Variants in TCP10L observed in about 807,000 individuals in gnomAD.
TCP10L encodes t-complex 10 like, also known as T-complex protein 10A homolog 1.
TCP10L carries 11 observed loss-of-function variants against 19.2 expected under a neutral mutation model. The observed-to-expected ratio is 0.57, with a 90% CI of 0.36 to 0.95. The LOEUF is 0.95. Ranked by LOEUF, TCP10L falls within the 40% of genes least tolerant of loss-of-function variation. TCP10L has a pLI of 0.01. For synonymous variants in TCP10L, 96 were observed against 97.2 expected (o/e 0.99, Z 0.07); for missense variants, 247 against 263.9 (o/e 0.94, Z 0.44).
chr21:32,578,831 C>T lies in TCP10L; in HGVS notation c.361G>A (p.Ala121Thr). 6.2e-7 allele frequency: 1 copy of T among 1,613,904 alleles called. No individual in the cohort carries two copies. ...PHAGQESHTLALEPAFGKISP... is the reference protein window; with the variant it reads ...PHAGQESHTLTLEPAFGKISP... ...ATTTTTCCAAAAGCAGGTTCCAATG[C>T]CTAAAAGACAAAATGCAGGGAAATT... is the stretch of plus-strand genomic sequence containing the variant. Residue 121 changes from alanine (A) to threonine (T), a missense_variant and splice_region_variant, in exon 4 of 5, where the codon GCA becomes ACA. Physicochemically the swap from Ala to Thr is moderately conservative, Grantham distance 58 (BLOSUM62 0). Coordinates refer to ENST00000300258, the MANE Select transcript of TCP10L (RefSeq NM_144659.7). The surrounding 1 kb of genome is among the most constrained non-coding windows in gnomAD (Gnocchi z 4.2).
intron 3 of TCP10L, among the ~76,000 whole-genome samples, chr21:32,581,136 C>T (rs1033446708): frequency 1.3e-5 from 2 of 152,302 alleles, no homozygotes; most frequent in East Asian, 1.9e-4. Flanking sequence ...AAGAACACAC[C>T]GGCAGAAGAG....
At position 32,573,808 on chromosome 21, in the gene TCP10L, C is replaced by T. The variant is rs1458941208; in HGVS notation, c.*2966G>A. Among the ~76,000 whole-genome samples, 5 of 152,058 alleles carry T rather than the reference C, an allele frequency of 3.3e-5. No homozygotes were observed. The highest frequency in any genetic ancestry group is 1.3e-4 in the Admixed American group (2 of 15,268). On this transcript the variant is annotated 3_prime_UTR_variant, in exon 5 of 5. Transcript: ENST00000300258. ...TCAGGGTGGCCACAGTGACAACCGC[C>T]ACATTCAACACCTGATACAAATAAC... is the stretch of plus-strand genomic sequence containing the variant.
At chr21:32,581,285 C>A (rs1281838785) in intron 3 of TCP10L, among the ~76,000 whole-genome samples, 1 of 152,218 alleles carries the variant, frequency 6.6e-6, no homozygotes, top group African/African-American at 2.4e-5. Flanking sequence ...ACTCCATCTC[C>A]CTTCTGGCTC....
chr21:32,579,120 A>G (rs1346543599), intron 3 of TCP10L, among the ~76,000 whole-genome samples: 1 of 152,244 alleles, frequency 6.6e-6, no homozygotes, highest in Non-Finnish European at 1.5e-5. Context: ...TCCCCAACAT[A>G]TCTTCCTTTA....
rs1482769015 is a variant in TCP10L at position 32,584,277 on chromosome 21, C to T, written c.28G>A (p.Asp10Asn). The change falls in exon 2 of 5, where the codon GAC becomes AAC. Residue 10 changes from aspartate (D) to asparagine (N), a missense_variant. Physicochemically the swap from Asp to Asn is conservative, Grantham distance 23. Coordinates refer to ENST00000300258, the MANE Select transcript of TCP10L (RefSeq NM_144659.7). Reference protein sequence around the residue: MLAGQLEARDPKEGTHPEDP... With the variant: MLAGQLEARNPKEGTHPEDP... Reference sequence around the variant, plus strand: ...TCTGGGTGGGTGCCCTCTTTGGGGTCCCTGGCCTCGAGTTGACCTGCCAGC... The same window carrying T: ...TCTGGGTGGGTGCCCTCTTTGGGGTTCCTGGCCTCGAGTTGACCTGCCAGC... 1.2e-6 allele frequency: 2 copies of T among 1,613,826 alleles called. No individual in the cohort carries two copies. The highest frequency in any genetic ancestry group is 2.7e-5 in the African/African-American group (2 of 74,912).
intron 2 of TCP10L, among the ~76,000 whole-genome samples, chr21:32,583,066 T>C (rs1194565257): frequency 7.4e-6 from 1 of 134,304 alleles, no homozygotes; most frequent in African/African-American, 2.9e-5. Context: ...ACAGTGTCTT[T>C]CTCTGTCACC....
intron 1 of TCP10L, among the ~76,000 whole-genome samples, chr21:32,584,711 G>C (rs2038539460): frequency 1.3e-5 from 2 of 152,010 alleles, no homozygotes; most frequent in African/African-American, 2.4e-5. Context: ...GGTATGAGCA[G>C]GTGTGAGTGG....
intron 4 of TCP10L, chr21:32,577,567 A>G (rs2038449439): frequency 1.3e-5 from 2 of 152,302 alleles, no homozygotes; most frequent in Non-Finnish European, 2.9e-5. Context: ...ACATCAACCC[A>G]GTATCAGTTG....
rs1478049973 is a variant in TCP10L, at chr21:32,576,800, A to C, written c.622T>G (p.Cys208Gly). ...CAGACACCCCCCCGTCTCTCTGCAC[A>C]GGGAGTTGGCCTTCCAGTAGGTGTT... ...RATPTGRPTP[C>G]AERRGGV The change falls in exon 5 of 5, where the codon TGT becomes GGT. Residue 208 changes from cysteine to glycine, a missense_variant. Coordinates refer to ENST00000300258, the MANE Select transcript of TCP10L (RefSeq NM_144659.7). The C allele has an allele frequency of 6.2e-7, 1 of 1,613,856 alleles. No homozygotes were observed. Among genetic ancestry groups the C allele is most frequent in the Non-Finnish European group, 8.5e-7 (1 of 1,180,002 alleles).
At chr21:32,585,118 A>C (rs1436615870) in intron 1 of TCP10L, among the ~76,000 whole-genome samples, 1 of 152,210 alleles carries the variant, frequency 6.6e-6, no homozygotes, top group Non-Finnish European at 1.5e-5. Context: ...CTGTGTGAGA[A>C]GGAACAGTTT....
intron 3 of TCP10L, among the ~76,000 whole-genome samples, chr21:32,581,231 C>T (rs889210348): frequency 5.3e-5 from 8 of 152,174 alleles, no homozygotes; most frequent in Admixed American, 6.5e-5. Flanking sequence ...GGGGAGAGCC[C>T]GGTCACTGGG....
In TCP10L at chr21:32,575,970, A is replaced by G; in HGVS notation, c.*804T>C. Reference sequence around the variant, plus strand: ...AGGGAAGTGACCGCTAGGATTCGGAATCTCCAGTCACGGCCCCTGGAGACC... The same window carrying G: ...AGGGAAGTGACCGCTAGGATTCGGAGTCTCCAGTCACGGCCCCTGGAGACC... On this transcript the variant is annotated 3_prime_UTR_variant, in exon 5 of 5. Coordinates refer to ENST00000300258, the MANE Select transcript of TCP10L (RefSeq NM_144659.7). 1.2e-5 allele frequency: 3 copies of G among 247,152 alleles called. No individual in the cohort carries two copies. In the South Asian group the frequency reaches 3.1e-4, roughly 26 times the overall value. The allele number at this position is 247,152 out of a possible 1,614,324, so 15.3% of individuals were successfully genotyped here.
intron 3 of TCP10L, among the ~76,000 whole-genome samples, chr21:32,580,475 C>CGTGT (rs1469541940): frequency 2.6e-5 from 2 of 77,844 alleles, no homozygotes; most frequent in African/African-American, 1.4e-4. Context: ...TCGGTGGGTG[C>CGTGT]CTGTGTGTGT....
Position 32,578,978 on chromosome 21 carries a change from TTGA to T in TCP10L, c.361-150_361-148del. The T allele has an allele frequency of 1.5e-6, 2 of 1,356,428 alleles. No individual in the cohort carries two copies. Among genetic ancestry groups the T allele is most frequent in the Non-Finnish European group, 2.0e-6 (2 of 1,007,596 alleles). The allele number at this position is 1,356,428 out of a possible 1,614,324, so 84.0% of individuals were successfully genotyped here. A position where few individuals can be genotyped will look rare whatever the true frequency, so the allele number is the denominator to read the frequency against. On this transcript the variant is annotated intron_variant, in intron 3 of 4. Coordinates refer to ENST00000300258, the MANE Select transcript of TCP10L (RefSeq NM_144659.7). This position sits in a 1 kb window ranked among gnomAD's most constrained non-coding sequence, Gnocchi z 4.2. ...TGGACTGGGTTTTCCCCCTAATATG[TTGA>T]TAAGAACAGAAACCCTCACCAAGCG...
rs1568981085 is a variant in TCP10L at position 32,582,082 on chromosome 21, T to G, written c.360+118A>C. On this transcript the variant is annotated intron_variant, in intron 3 of 4. Coordinates refer to ENST00000300258, the MANE Select transcript of TCP10L (RefSeq NM_144659.7). The surrounding 1 kb of genome is among the most constrained non-coding windows in gnomAD (Gnocchi z 4.2). ...GAGTTGATGGAAAGATAGCAACCCC[T>G]CCCACCACCCGGAGCGTGAGTGATA... 8.4e-7 allele frequency: 1 copy of G among 1,191,298 alleles called. No individual in the cohort carries two copies. The highest frequency in any genetic ancestry group is 2.4e-5 in the East Asian group (1 of 42,364). 73.8% of individuals were successfully genotyped at this position (1,191,298 alleles called of 1,614,324 possible).
At position 32,582,326 on chromosome 21, in the gene TCP10L, A is replaced by C; in HGVS notation, c.234T>G (p.His78Gln). 1 of 1,613,710 alleles carries C rather than the reference A, an allele frequency of 6.2e-7. No individual in the cohort carries two copies. Among genetic ancestry groups the C allele is most frequent in the Non-Finnish European group, 8.5e-7 (1 of 1,179,954 alleles). The change falls in exon 3 of 5, where the codon CAT becomes CAG. Residue 78 changes from histidine to glutamine, a missense_variant. Coordinates refer to ENST00000300258, the MANE Select transcript of TCP10L (RefSeq NM_144659.7). This position sits in a 1 kb window ranked among gnomAD's most constrained non-coding sequence, Gnocchi z 4.2. Reference sequence around the variant, plus strand: ...TGTTCTGCTCCCTCAAAGCATCTATATGACTCCGGAGTTTTCCATGAACAT... The same window carrying C: ...TGTTCTGCTCCCTCAAAGCATCTATCTGACTCCGGAGTTTTCCATGAACAT... The part of the protein sequence containing the change: ...WADVHGKLRS[H>Q]IDALREQNME...
intron 3 of TCP10L, among the ~76,000 whole-genome samples, chr21:32,579,149 C>T (rs907977176): frequency 4.6e-5 from 7 of 152,168 alleles, no homozygotes; most frequent in African/African-American, 1.2e-4. Context: ...TGTCTTCAAC[C>T]GGGAGTGTGT....
chr21:32,576,334 G>A lies in TCP10L; in HGVS notation c.*440C>T. The A allele has an allele frequency of 6.8e-7, 1 of 1,480,688 alleles. No homozygotes were observed. The highest frequency in any genetic ancestry group is 9.3e-7 in the Non-Finnish European group (1 of 1,077,834). 91.7% of individuals were successfully genotyped at this position (1,480,688 alleles called of 1,614,324 possible). On this transcript the variant is annotated 3_prime_UTR_variant, in exon 5 of 5. Transcript: ENST00000300258. ...AGATGGATGCATAGCCTGGGGCAAT[G>A]ACAGTCACAGGCCCGCCTTGTCACA...
Position 32,582,437 on chromosome 21 carries a change from C to G in TCP10L, c.145-22G>C. 1 of 1,599,740 alleles carries G rather than the reference C, an allele frequency of 6.3e-7. No homozygotes were observed. Among genetic ancestry groups the G allele is most frequent in the East Asian group, 2.2e-5 (1 of 44,792 alleles). ...ATGGCTGTTATTGGGAAGAGAACAC[C>G]AGAAAAACCTCTCAGATGTCACAAT... On this transcript the variant is annotated intron_variant, in intron 2 of 4. Coordinates refer to ENST00000300258, the MANE Select transcript of TCP10L (RefSeq NM_144659.7). The surrounding 1 kb of genome is among the most constrained non-coding windows in gnomAD (Gnocchi z 4.2).
Sources: allele counts gnomAD v4.1 joint callset (sites outside exome capture counted in the v4.1 genomes callset), GRCh38; gene constraint gnomAD v4.1.1; non-coding constraint Gnocchi (gnomAD v3.1); transcripts MANE v1.5; gene names NCBI Gene and HGNC (gene_info 2026-07-23, HGNC 2026-07-21).